ANAPC1: variants seen among roughly 807,000 people sequenced by gnomAD.
The protein encoded by ANAPC1 is anaphase promoting complex subunit 1.
Under a neutral mutation model 208.0 loss-of-function variants are expected in ANAPC1, and 36 were observed. That is an observed-to-expected ratio of 0.17 (90% confidence interval 0.13 to 0.23). The LOEUF is 0.23. Ranked by LOEUF, ANAPC1 falls within the 10% of genes least tolerant of loss-of-function variation. The pLI is 1.00. For synonymous variants in ANAPC1, 378 were observed against 695.2 expected (o/e 0.54, Z 7.18); for missense variants, 942 against 2,011.6 (o/e 0.47, Z 10.17).
At chr2:111,855,596 A>T (rs1337428528) in intron 13 of ANAPC1, among the ~76,000 whole-genome samples, 1 of 152,240 alleles carries the variant, frequency 6.6e-6, no homozygotes, top group Non-Finnish European at 1.5e-5. Context: ...CAAAATAAGT[A>T]TATCAGAGGC....
chr2:111,806,554 A>G (rs1678685737), intron 29 of ANAPC1, among the ~76,000 whole-genome samples: 1 of 80,452 alleles, frequency 1.2e-5, no homozygotes, highest in Non-Finnish European at 2.5e-5. Flanking sequence ...AATATCTTAC[A>G]TTTTGTTTTC....
intron 38 of ANAPC1, among the ~76,000 whole-genome samples, 172 bp downstream of exon 38, chr2:111,792,190 A>G (rs1005793619): frequency 5.4e-5 from 8 of 149,190 alleles, no homozygotes; most frequent in African/African-American, 1.0e-4. Flanking sequence ...TGAGTAGACC[A>G]TAAGTTGACG....
chr2:111,858,857 T>C (rs1326648241), intron 10 of ANAPC1, among the ~76,000 whole-genome samples: 1 of 151,760 alleles, frequency 6.6e-6, no homozygotes, highest in African/African-American at 2.4e-5. Flanking sequence ...GACACAAACA[T>C]TTCTAAGAAT....
At chr2:111,839,600 G>A (rs555928382) in intron 17 of ANAPC1, among the ~76,000 whole-genome samples, 10 of 152,326 alleles carry the variant, frequency 6.6e-5, no homozygotes, top group Non-Finnish European at 1.3e-4. Flanking sequence ...AAAACTGAAT[G>A]TTATTGAGAG....
chr2:111,831,051 T>A (rs529932288), intron 21 of ANAPC1, among the ~76,000 whole-genome samples: 1 of 152,154 alleles, frequency 6.6e-6, no homozygotes, highest in Non-Finnish European at 1.5e-5. Context: ...TAATTAGCCA[T>A]AGAATGCGAT....
chr2:111,876,924 T>G (rs1406614228), intron 3 of ANAPC1, among the ~76,000 whole-genome samples: 1 of 152,112 alleles, frequency 6.6e-6, no homozygotes, highest in Non-Finnish European at 1.5e-5. Flanking sequence ...TATAAAAATT[T>G]TCAGTAAGAA....
rs1249839411 is a variant in ANAPC1, at chr2:111,769,805, C to T, written c.5720-399G>A. Reference sequence around the variant, plus strand: ...CACCCATTCTCCTGCCTCAGCCCCCCGAGTAGCTGGGACTACAGGTGCCCA... The same window carrying T: ...CACCCATTCTCCTGCCTCAGCCCCCTGAGTAGCTGGGACTACAGGTGCCCA... On this transcript the variant is annotated intron_variant, in intron 47 of 47. Coordinates refer to ENST00000341068, the MANE Select transcript of ANAPC1 (RefSeq NM_022662.4). Among the ~76,000 whole-genome samples, 5 of 146,182 alleles carry T rather than the reference C, an allele frequency of 3.4e-5. No homozygotes were observed. In the South Asian group the frequency reaches 6.6e-4, roughly 19 times the overall value.
intron 28 of ANAPC1, among the ~76,000 whole-genome samples, chr2:111,811,084 G>C (rs1292046708): frequency 6.6e-6 from 1 of 151,992 alleles, no homozygotes; most frequent in East Asian, 1.9e-4. Flanking sequence ...ATAAGGTCCT[G>C]GGGCAACTAA....
intron 18 of ANAPC1, 122 bp downstream of exon 18, chr2:111,838,316 T>A: frequency 1.4e-6 from 1 of 690,862 alleles, no homozygotes; most frequent in East Asian, 3.1e-5. Context: ...TATTCAGTAT[T>A]AAAATAAATA....
At chr2:111,827,533 T>G (rs1434475135) in intron 21 of ANAPC1, among the ~76,000 whole-genome samples, 1 of 152,088 alleles carries the variant, frequency 6.6e-6, no homozygotes, top group Non-Finnish European at 1.5e-5. Flanking sequence ...AAAAAATTTA[T>G]CACTTGCGGT....
chr2:111,829,377 T>C (rs555892359), intron 21 of ANAPC1, among the ~76,000 whole-genome samples: 221 of 151,692 alleles, frequency 1.5e-3, no homozygotes, highest in African/African-American at 5.2e-3. Context: ...CAGAGCAAAA[T>C]GTAGAGTAAA....
At chr2:111,817,633 C>A (rs1054089943) in intron 27 of ANAPC1, among the ~76,000 whole-genome samples, 9 of 151,492 alleles carry the variant, frequency 5.9e-5, no homozygotes, top group Non-Finnish European at 8.8e-5. Flanking sequence ...CTGCTCAAAG[C>A]ACAAGCTTTT....
At position 111,872,629 on chromosome 2, in the gene ANAPC1, C is replaced by A; in HGVS notation, c.611+1G>T. On this transcript the variant is annotated splice_donor_variant, in intron 6 of 47. Coordinates refer to ENST00000341068, the MANE Select transcript of ANAPC1 (RefSeq NM_022662.4). LOFTEE classifies it high-confidence loss of function. ...TATTCTGAAGTGAATAAAATGAATA[C>A]CTGGGTGAACCTGGAGGTACTTCAT... 1 of 1,606,610 alleles carries A rather than the reference C, an allele frequency of 6.2e-7. No individual in the cohort carries two copies. Among genetic ancestry groups the A allele is most frequent in the Non-Finnish European group, 8.5e-7 (1 of 1,173,476 alleles).
chr2:111,857,589 G>A (rs920669783), intron 11 of ANAPC1, among the ~76,000 whole-genome samples: 79 of 152,250 alleles, frequency 5.2e-4, no homozygotes, highest in African/African-American at 1.8e-3. Context: ...TTTGCTGGTG[G>A]GAATATAAAA....
Position 111,872,819 on chromosome 2 carries a change from C to T in ANAPC1, c.529-107G>A, listed in dbSNP as rs1682826648. 6.9e-5 allele frequency: 49 copies of T among 707,352 alleles called. No individual in the cohort carries two copies. In the East Asian group the frequency reaches 1.4e-3, roughly 20 times the overall value. 43.8% of individuals were successfully genotyped at this position (707,352 alleles called of 1,614,324 possible). On this transcript the variant is annotated intron_variant, in intron 5 of 47. Transcript: ENST00000341068. ...GTTTTATTTTCCAATTTAGTAATAG[C>T]TTTACAAAGTAACATAATCATTAAA... is the stretch of plus-strand genomic sequence containing the variant.
chr2:111,880,835 A>G lies in ANAPC1; in HGVS notation c.-10T>C. On this transcript the variant is annotated 5_prime_UTR_variant, in exon 2 of 48. Coordinates refer to ENST00000341068, the MANE Select transcript of ANAPC1 (RefSeq NM_022662.4). ...CATAGAAGTTCGACATGGGTTCCAA[A>G]TATCAACATTATTTCTGTATGAATT... The G allele has an allele frequency of 6.2e-7, 1 of 1,613,630 alleles. No homozygotes were observed. Among genetic ancestry groups the G allele is most frequent in the Non-Finnish European group, 8.5e-7 (1 of 1,179,732 alleles).
chr2:111,838,113 C>T lies in ANAPC1; in HGVS notation c.2115+325G>A, dbSNP rs28484781. ...AAAAAAAAAGGAATATACCATGGAA[C>T]CTGATACAATTGAGAACCTTAATTT... is the stretch of plus-strand genomic sequence containing the variant. On this transcript the variant is annotated intron_variant, in intron 18 of 47. Coordinates refer to ENST00000341068, the MANE Select transcript of ANAPC1 (RefSeq NM_022662.4). Among the ~76,000 whole-genome samples the T allele has an allele frequency of 6.0e-3, 817 of 136,162 alleles. 9 individuals carry two copies. Among genetic ancestry groups the T allele is most frequent in the African/African-American group, 0.02 (785 of 38,910 alleles). 89.3% of individuals were successfully genotyped at this position (136,162 alleles called of 152,430 possible).
chr2:111,846,557 ATATTTTTTTTTT>A (rs1681091192), intron 16 of ANAPC1, among the ~76,000 whole-genome samples: 1 of 53,012 alleles, frequency 1.9e-5, no homozygotes, highest in Non-Finnish European at 3.5e-5. Flanking sequence ...ATATATATAT[ATATTTTTTTTTT>A]TTTTTTTTTT....
At chr2:111,771,379 T>G (rs1475456124) in intron 47 of ANAPC1, among the ~76,000 whole-genome samples, 2 of 152,330 alleles carry the variant, frequency 1.3e-5, no homozygotes, top group East Asian at 3.9e-4. Context: ...GTCTGAGTTA[T>G]GATTTCTATT....
Sources: allele counts gnomAD v4.1 joint callset (sites outside exome capture counted in the v4.1 genomes callset), GRCh38; gene constraint gnomAD v4.1.1; transcripts MANE v1.5; gene names NCBI Gene and HGNC (gene_info 2026-07-23, HGNC 2026-07-21).